The following ATP8A2 variants were observed in gnomAD, a reference collection of about 807,000 sequenced individuals.
The protein encoded by ATP8A2 is ATPase phospholipid transporting 8A2, also known as phospholipid-transporting ATPase IB.
A neutral mutation model predicts 165.6 loss-of-function variants in ATP8A2; 100 were observed. That is an observed-to-expected ratio of 0.60 (90% CI 0.51 to 0.71). The LOEUF (loss-of-function observed/expected upper bound fraction) is 0.71, where lower values mean the gene tolerates loss of function less well. Ranked by LOEUF, ATP8A2 falls within the 30% of genes least tolerant of loss-of-function variation. The probability of loss-of-function intolerance (pLI) is 0.00; values close to 1 mark genes in which losing one functional copy is unlikely to be tolerated. For synonymous variants in ATP8A2, 543 were observed against 548.8 expected (o/e 0.99, Z 0.15); for missense variants, 1,227 against 1,479.5 (o/e 0.83, Z 2.80).
At chr13:25,634,205 A>G (rs1320579711) in intron 24 of ATP8A2, among the ~76,000 whole-genome samples, 2 of 152,160 alleles carry the variant, frequency 1.3e-5, no homozygotes, top group East Asian at 3.9e-4. Flanking sequence ...CTGTTTCAGG[A>G]GACAGCATCT....
intron 28 of ATP8A2, among the ~76,000 whole-genome samples, chr13:25,830,263 T>G (rs1281399568): frequency 3.3e-5 from 5 of 152,100 alleles, no homozygotes; most frequent in Admixed American, 6.5e-5. Context: ...TCCTCCCTCC[T>G]AGGCCTCCCA....
At chr13:25,527,790 C>T (rs2037889149) in intron 2 of ATP8A2, among the ~76,000 whole-genome samples, 1 of 152,168 alleles carries the variant, frequency 6.6e-6, no homozygotes, top group Non-Finnish European at 1.5e-5. Flanking sequence ...TCCTTAAGCA[C>T]AGTCAGCATT....
At chr13:25,804,384 G>C (rs1174577946) in intron 27 of ATP8A2, among the ~76,000 whole-genome samples, 1 of 152,110 alleles carries the variant, frequency 6.6e-6, no homozygotes, top group Non-Finnish European at 1.5e-5. Context: ...GGATGGTAAA[G>C]CTCATTTTAA....
At chr13:25,410,408 G>C (rs1460884279) in intron 1 of ATP8A2, among the ~76,000 whole-genome samples, 2 of 152,190 alleles carry the variant, frequency 1.3e-5, no homozygotes, top group African/African-American at 4.8e-5. Flanking sequence ...TGCTTCTGCT[G>C]TCATTACATA....
At chr13:25,656,277 A>AT (rs56360268) in intron 24 of ATP8A2, among the ~76,000 whole-genome samples, 103,135 of 150,302 alleles carry the variant, frequency 0.69, 35,637 homozygotes, top group Middle Eastern at 0.75. Context: ...TTAAAGTTGG[A>AT]TTTTTTTTTG....
At chr13:25,625,974 T>C (rs2041090309) in intron 24 of ATP8A2, among the ~76,000 whole-genome samples, 1 of 152,184 alleles carries the variant, frequency 6.6e-6, no homozygotes, top group African/African-American at 2.4e-5. Context: ...TTTTAAACTA[T>C]GTCTTAGCCA....
chr13:25,752,942 G>T (rs2044183695), intron 25 of ATP8A2, among the ~76,000 whole-genome samples: 1 of 152,148 alleles, frequency 6.6e-6, no homozygotes, highest in Non-Finnish European at 1.5e-5. Context: ...TGAGCTATGT[G>T]TGATAGCAGG....
chr13:25,711,091 G>A lies in ATP8A2; in HGVS notation c.2384+11746G>A, dbSNP rs1218640037. Reference sequence around the variant, plus strand: ...GCGAACTCAGCTCACTGCAACCTCCGCCTCCCAGGTCAAGTAATTCTCCTG... The same window carrying A: ...GCGAACTCAGCTCACTGCAACCTCCACCTCCCAGGTCAAGTAATTCTCCTG... On this transcript the variant is annotated intron_variant, in intron 25 of 36. Coordinates refer to ENST00000381655, the MANE Select transcript of ATP8A2 (RefSeq NM_016529.6). Among the ~76,000 whole-genome samples the A allele has an allele frequency of 2.6e-5, 4 of 151,940 alleles. 1 individual carries two copies. The highest frequency in any genetic ancestry group is 4.2e-4 in the South Asian group (2 of 4,814).
At position 25,441,290 on chromosome 13, in the gene ATP8A2, ATAAC is replaced by A. The variant is rs547144372; in HGVS notation, c.77-27685_77-27682del. Among the ~76,000 whole-genome samples, 487 of 152,368 alleles carry A rather than the reference ATAAC, an allele frequency of 3.2e-3. 4 individuals carry two copies. The highest frequency in any genetic ancestry group is 0.011 in the African/African-American group (469 of 41,588). ...CAACTTCTTGTACTTGGTGAAAGTC[ATAAC>A]TGATGAAAATTCTAGTTAGGAGAAA... On this transcript the variant is annotated intron_variant, in intron 1 of 36. Coordinates refer to ENST00000381655, the MANE Select transcript of ATP8A2 (RefSeq NM_016529.6).
At chr13:25,785,567 G>T (rs1193157840) in intron 27 of ATP8A2, among the ~76,000 whole-genome samples, 1 of 151,442 alleles carries the variant, frequency 6.6e-6, no homozygotes, top group Non-Finnish European at 1.5e-5. Flanking sequence ...TCTTTCTTTT[G>T]CCAGTAGAGA....
intron 7 of ATP8A2, among the ~76,000 whole-genome samples, chr13:25,539,593 A>T (rs1409871444): frequency 6.6e-6 from 1 of 152,156 alleles, no homozygotes; most frequent in Non-Finnish European, 1.5e-5. Context: ...CAAGATTGAG[A>T]TACGGAGAGA....
chr13:25,478,699 C>T (rs577828993), intron 2 of ATP8A2, among the ~76,000 whole-genome samples: 26 of 152,250 alleles, frequency 1.7e-4, no homozygotes, highest in South Asian at 1.2e-3. Context: ...CTTCAGTCTA[C>T]GTATAACATA....
intron 30 of ATP8A2, among the ~76,000 whole-genome samples, chr13:25,858,088 A>G (rs1952224900): frequency 1.3e-5 from 2 of 152,166 alleles, no homozygotes; most frequent in South Asian, 4.1e-4. Flanking sequence ...GCTATAATCT[A>G]TGTTAGAATC....
intron 25 of ATP8A2, among the ~76,000 whole-genome samples, chr13:25,766,757 C>A (rs1267566637): frequency 6.6e-6 from 1 of 152,130 alleles, no homozygotes; most frequent in African/African-American, 2.4e-5. Flanking sequence ...ACCTGCACAC[C>A]CAGTTGGGAA....
intron 33 of ATP8A2, among the ~76,000 whole-genome samples, chr13:25,958,278 A>T (rs1184921912): frequency 6.7e-6 from 1 of 150,226 alleles, no homozygotes; most frequent in Non-Finnish European, 1.5e-5. Context: ...CTGCACATGT[A>T]TCCCAGAACT....
chr13:25,575,570 A>G (rs536472589), intron 19 of ATP8A2, among the ~76,000 whole-genome samples: 1 of 152,344 alleles, frequency 6.6e-6, no homozygotes, highest in Non-Finnish European at 1.5e-5. Flanking sequence ...CCTTTGTTAA[A>G]CAGTGTTATA....
At chr13:25,793,681 GA>G (rs2045242492) in intron 27 of ATP8A2, among the ~76,000 whole-genome samples, 3 of 151,504 alleles carry the variant, frequency 2.0e-5, no homozygotes, top group Non-Finnish European at 4.4e-5. Flanking sequence ...ATCTTTACTG[GA>G]AAAAACTGTT....
At chr13:25,719,615 C>G (rs2043330665) in intron 25 of ATP8A2, among the ~76,000 whole-genome samples, 1 of 152,170 alleles carries the variant, frequency 6.6e-6, no homozygotes, top group South Asian at 2.1e-4. Context: ...AAGGTAGATT[C>G]AATCATTTAA....
At chr13:25,433,940 A>G (rs574757258) in intron 1 of ATP8A2, among the ~76,000 whole-genome samples, 15 of 152,310 alleles carry the variant, frequency 9.8e-5, no homozygotes, top group Admixed American at 3.3e-4. Flanking sequence ...CATGGACATA[A>G]AGATGGAAAT....
Sources: allele counts gnomAD v4.1 joint callset (sites outside exome capture counted in the v4.1 genomes callset), GRCh38; gene constraint gnomAD v4.1.1; transcripts MANE v1.5; gene names NCBI Gene and HGNC (gene_info 2026-07-23, HGNC 2026-07-21).